TATDN2: variants seen among roughly 807,000 people sequenced by gnomAD.
TATDN2 encodes the protein TatD DNase domain containing 2.
TATDN2 carries 44 observed loss-of-function variants against 60.3 expected under a neutral mutation model. The ratio of observed to expected loss-of-function variants is 0.73; its 90% CI spans 0.57 to 0.94. The LOEUF (loss-of-function observed/expected upper bound fraction) is 0.94. TATDN2 is among the 40% of genes least tolerant of loss of function. TATDN2 has a pLI of 0.00. For synonymous variants in TATDN2, 399 were observed against 355.8 expected (o/e 1.12, Z -1.37); for missense variants, 997 against 948.0 (o/e 1.05, Z -0.68).
In TATDN2 at chr3:10,276,615, A is replaced by G. The variant is rs1698642056; in HGVS notation, c.1961+127A>G. ...TCTTTTTTTTTTTTTTCGAGACGGA[A>G]TCTCACCCTGTCGCCCAGGCTGGAG... On this transcript the variant is annotated intron_variant, in intron 5 of 7. Transcript: ENST00000448281. The G allele has an allele frequency of 3.8e-6, 5 of 1,308,358 alleles. No homozygotes were observed. The Admixed American group carries it at 8.3e-5, about 22-fold the overall frequency. 81.0% of individuals were successfully genotyped at this position (1,308,358 alleles called of 1,614,324 possible).
intron 2 of TATDN2, among the ~76,000 whole-genome samples, chr3:10,252,529 C>T (rs971977316): frequency 3.9e-5 from 6 of 152,162 alleles, no homozygotes; most frequent in Non-Finnish European, 8.8e-5. Flanking sequence ...CTTCCACCTT[C>T]ATCTGTACCT....
At position 10,278,421 on chromosome 3, in the gene TATDN2, A is replaced by G. The variant is rs746890102; in HGVS notation, c.2104A>G (p.Ile702Val). The change falls in exon 6 of 8, where the codon ATC becomes GTC. Residue 702 changes from isoleucine to valine, a missense_variant. Transcript: ENST00000448281. This position sits in a 1 kb window ranked among gnomAD's most constrained non-coding sequence, Gnocchi z 4.7. ...CTTGAGGCAGATCCCACTGGAGAGA[A>G]TCATCGTGGAAACGGATGCTCCCTA... ...EALRQIPLER[I>V]IVETDAPYFL... 1.2e-6 allele frequency: 2 copies of G among 1,613,976 alleles called. No individual in the cohort carries two copies. Among genetic ancestry groups the G allele is most frequent in the Non-Finnish European group, 1.7e-6 (2 of 1,179,866 alleles).
chr3:10,270,372 C>T lies in TATDN2; in HGVS notation c.1190C>T (p.Ser397Phe). 1 of 1,614,194 alleles carries T rather than the reference C, an allele frequency of 6.2e-7. No homozygotes were observed. Reference sequence around the variant, plus strand: ...AGCCCCAAGCCTTCTAGCTACCCCTCCACAGGCAGCAGCAGCAACGATGCA... The same window carrying T: ...AGCCCCAAGCCTTCTAGCTACCCCTTCACAGGCAGCAGCAGCAACGATGCA... ...TSSPKPSSYP[S>F]TGSSSNDAAQ... Residue 397 changes from serine (S) to phenylalanine (F), a missense_variant, in exon 4 of 8, where the codon TCC (serine) becomes TTC (phenylalanine). Coordinates refer to ENST00000448281, the MANE Select transcript of TATDN2 (RefSeq NM_014760.4).
chr3:10,258,266 G>A (rs1698345578), intron 2 of TATDN2, among the ~76,000 whole-genome samples: 1 of 151,470 alleles, frequency 6.6e-6, no homozygotes, highest in African/African-American at 2.4e-5. Context: ...TATAATATAA[G>A]CACCTAAGCC....
intron 3 of TATDN2, among the ~76,000 whole-genome samples, chr3:10,267,907 C>G (rs1188771634): frequency 6.6e-6 from 1 of 152,056 alleles, no homozygotes; most frequent in African/African-American, 2.4e-5. Context: ...AAAAACAAAA[C>G]AGAACACAAA....
At chr3:10,272,984 C>G (rs189229536) in intron 4 of TATDN2, among the ~76,000 whole-genome samples, 322 of 151,822 alleles carry the variant, frequency 2.1e-3, no homozygotes, top group Non-Finnish European at 3.3e-3. Flanking sequence ...GCTGCAGTGA[C>G]CCATGATTAT....
chr3:10,276,223 A>T (rs557484071), intron 4 of TATDN2, 138 bp from the exon 5 acceptor site: 1 of 1,158,020 alleles, frequency 8.6e-7, no homozygotes, highest in South Asian at 1.5e-5. Context: ...TAAGTGACCA[A>T]TAATCATTAG....
At chr3:10,258,435 G>A (rs921164173) in intron 2 of TATDN2, among the ~76,000 whole-genome samples, 4 of 151,712 alleles carry the variant, frequency 2.6e-5, no homozygotes, top group East Asian at 1.9e-4. Flanking sequence ...GTGCCACCAC[G>A]CCTGGCTAAT....
chr3:10,275,659 T>G (rs960277422), intron 4 of TATDN2, among the ~76,000 whole-genome samples: 5 of 151,962 alleles, frequency 3.3e-5, no homozygotes, highest in Non-Finnish European at 7.4e-5. Flanking sequence ...GGCAGGAGAA[T>G]CGCTTGAACC....
At chr3:10,257,971 C>T (rs1698341026) in intron 2 of TATDN2, among the ~76,000 whole-genome samples, 1 of 146,426 alleles carries the variant, frequency 6.8e-6, no homozygotes, top group Non-Finnish European at 1.5e-5. Context: ...CGCCATTCTC[C>T]TGCCTCACCC....
In TATDN2 at chr3:10,278,795, TC is replaced by T. The variant is rs1698676511; in HGVS notation, c.2146-88del. ...TCTCTACAGGGCAGCCCCAAAGAGGTCCTTGCTGGGGAAGGGACAGGGAGGG... is the reference window on the plus strand; with the variant it reads ...TCTCTACAGGGCAGCCCCAAAGAGGTCTTGCTGGGGAAGGGACAGGGAGGG... On this transcript the variant is annotated intron_variant, in intron 6 of 7. Transcript: ENST00000448281. This position sits in a 1 kb window ranked among gnomAD's most constrained non-coding sequence, Gnocchi z 4.7. 6.3e-7 allele frequency: 1 copy of T among 1,590,564 alleles called. No individual in the cohort carries two copies.
At chr3:10,257,602 A>G (rs927822676) in intron 2 of TATDN2, among the ~76,000 whole-genome samples, 1 of 148,816 alleles carries the variant, frequency 6.7e-6, no homozygotes, top group African/African-American at 2.4e-5. Flanking sequence ...GTCTCCAAAA[A>G]AAAAAAAAAC....
chr3:10,268,156 T>G (rs1427526778), intron 3 of TATDN2, among the ~76,000 whole-genome samples: 12 of 152,244 alleles, frequency 7.9e-5, no homozygotes, highest in Admixed American at 7.8e-4. Flanking sequence ...TAAGTTAGCT[T>G]GCATTTTAGA....
chr3:10,250,506 C>A (rs1307300272), intron 2 of TATDN2, among the ~76,000 whole-genome samples: 2 of 151,808 alleles, frequency 1.3e-5, no homozygotes, highest in African/African-American at 4.8e-5. Flanking sequence ...AGATGGGCTG[C>A]CTCTAGAGAA....
chr3:10,270,993 C>T lies in TATDN2; in HGVS notation c.1811C>T (p.Thr604Met), dbSNP rs772375229. Residue 604 changes from threonine to methionine, a missense_variant, in exon 4 of 8, where the codon ACG (threonine) becomes ATG (methionine). Transcript: ENST00000448281. ...MGLDYSYKCT[T>M]PVPEQHKVFE... Reference sequence around the variant, plus strand: ...TTGGATTACTCTTACAAGTGCACCACGCCTGTCCCAGAACAGCACAAGGTA... The same window carrying T: ...TTGGATTACTCTTACAAGTGCACCATGCCTGTCCCAGAACAGCACAAGGTA... 52 of 1,597,926 alleles carry T rather than the reference C, an allele frequency of 3.3e-5. No individual in the cohort carries two copies. Among genetic ancestry groups the T allele is most frequent in the Non-Finnish European group, 4.3e-5 (51 of 1,173,526 alleles).
rs773186969 is a variant in TATDN2 at position 10,249,551 on chromosome 3, G to C, written c.351G>C (p.Leu117=). 5.7e-6 allele frequency: 9 copies of C among 1,570,700 alleles called. No individual in the cohort carries two copies. The highest frequency in any genetic ancestry group is 6.9e-6 in the Non-Finnish European group (8 of 1,159,732). The change falls in exon 2 of 8, where the codon CTG becomes CTC. Residue 117 remains leucine (L), a synonymous_variant. Transcript: ENST00000448281. The part of the protein sequence containing the change: ...RGFLSSGGSP[L]RPANASLEEM... Reference sequence around the variant, plus strand: ...TCCTGTCTTCAGGGGGATCCCCTCTGCGTCCTGCCAACGCCTCTTTGGAAG... The same window carrying C: ...TCCTGTCTTCAGGGGGATCCCCTCTCCGTCCTGCCAACGCCTCTTTGGAAG...
chr3:10,278,343 G>C lies in TATDN2; in HGVS notation c.2026G>C (p.Val676Leu). Residue 676 changes from valine (V) to leucine (L), a missense_variant, in exon 6 of 8, where the codon GTG becomes CTG. Physicochemically the swap from Val to Leu is conservative, Grantham distance 32. Transcript: ENST00000448281. This position sits in a 1 kb window ranked among gnomAD's most constrained non-coding sequence, Gnocchi z 4.7. ...PLLKYFPNMSVGFTAVLTYSS... is the reference protein window; with the variant it reads ...PLLKYFPNMSLGFTAVLTYSS... ...GCTGAAGTACTTTCCCAACATGTCTGTGGGCTTCACGGCAGTGCTGACATA... is the reference window on the plus strand; with the variant it reads ...GCTGAAGTACTTTCCCAACATGTCTCTGGGCTTCACGGCAGTGCTGACATA... 8 of 1,614,204 alleles carry C rather than the reference G, an allele frequency of 5.0e-6. No homozygotes were observed. The highest frequency in any genetic ancestry group is 6.8e-6 in the Non-Finnish European group (8 of 1,180,022).
At chr3:10,276,338 G>A (rs1184280071) in intron 4 of TATDN2, 23 bp from the exon 5 acceptor site, 4 of 1,612,768 alleles carry the variant, frequency 2.5e-6, no homozygotes, top group Admixed American at 1.7e-5. Context: ...ACCAACAGGG[G>A]TTGTCGCTGT....
chr3:10,249,299 C>G lies in TATDN2; in HGVS notation c.99C>G (p.Ala33=). 1 of 1,605,596 alleles carries G rather than the reference C, an allele frequency of 6.2e-7. No individual in the cohort carries two copies. The highest frequency in any genetic ancestry group is 8.5e-7 in the Non-Finnish European group (1 of 1,174,608). ...GCCTCCGGGAGCCCTGTGATGTGGC[C>G]CCCTCCAGCCGGCCAGCTCAGAGGT... ...RSCLREPCDV[A]PSSRPAQRSA... Residue 33 remains alanine, a synonymous_variant, in exon 2 of 8, where the codon GCC becomes GCG. Coordinates refer to ENST00000448281, the MANE Select transcript of TATDN2 (RefSeq NM_014760.4).
Sources: gnomAD v4.1 joint callset for allele counts (sites outside exome capture counted in the v4.1 genomes callset) on GRCh38, gnomAD v4.1.1 for gene constraint, Gnocchi (gnomAD v3.1) non-coding constraint, MANE v1.5 for transcripts, NCBI Gene and HGNC (gene_info 2026-07-23, HGNC 2026-07-21) for gene names.